The following ASAP1 variants were observed in gnomAD, a reference collection of about 807,000 sequenced individuals.
The protein encoded by ASAP1 is ArfGAP with SH3 domain, ankyrin repeat and PH domain 1.
ASAP1 carries 43 observed loss-of-function variants against 145.2 expected under a neutral mutation model. The ratio of observed to expected loss-of-function variants is 0.30; its 90% confidence interval spans 0.23 to 0.38. ASAP1 has a LOEUF of 0.38. Ranked by LOEUF, ASAP1 falls within the 10% of genes least tolerant of loss-of-function variation. The pLI, the probability that ASAP1 is intolerant of heterozygous loss-of-function variation, is 1.00. For missense variants in ASAP1, 1,018 were observed against 1,355.3 expected, an observed-to-expected ratio of 0.75 and a Z score of 3.91; for synonymous variants, 546 against 515.5, an observed-to-expected ratio of 1.06 and a Z score of -0.80.
At chr8:130,438,794 G>C (rs1328920571) in intron 1 of ASAP1, among the ~76,000 whole-genome samples, 1 of 152,138 alleles carries the variant, frequency 6.6e-6, no homozygotes, top group Non-Finnish European at 1.5e-5. Context: ...TGACTGTGAG[G>C]ACACAGTGGA....
intron 8 of ASAP1, 37 bp downstream of exon 8, chr8:130,180,714 A>C (rs1814294874): frequency 6.3e-7 from 1 of 1,593,130 alleles, no homozygotes; most frequent in African/African-American, 1.4e-5. Context: ...CACAGTTGTT[A>C]TAATTCTAGG....
At chr8:130,198,772 C>A (rs1815680310) in intron 5 of ASAP1, among the ~76,000 whole-genome samples, 1 of 152,152 alleles carries the variant, frequency 6.6e-6, no homozygotes, top group Non-Finnish European at 1.5e-5. Flanking sequence ...ACTCCAAAGG[C>A]CACTCTCATT....
intron 15 of ASAP1, among the ~76,000 whole-genome samples, chr8:130,130,367 G>C (rs989095713): frequency 2.0e-5 from 3 of 152,082 alleles, no homozygotes; most frequent in Non-Finnish European, 2.9e-5. Context: ...CCTTCCATTT[G>C]CCTCTTTACT....
chr8:130,341,288 A>T (rs1429573934), intron 3 of ASAP1, among the ~76,000 whole-genome samples: 2 of 152,004 alleles, frequency 1.3e-5, no homozygotes, highest in Non-Finnish European at 2.9e-5. Context: ...CCTATCCATG[A>T]CTCACTTTGT....
At chr8:130,377,239 G>C (rs1230904497) in intron 2 of ASAP1, among the ~76,000 whole-genome samples, 1 of 151,884 alleles carries the variant, frequency 6.6e-6, no homozygotes, top group African/African-American at 2.4e-5. Context: ...GTAGGAAGGG[G>C]GTGAGGAATA....
At chr8:130,273,393 C>A (rs1820697632) in intron 3 of ASAP1, among the ~76,000 whole-genome samples, 1 of 152,158 alleles carries the variant, frequency 6.6e-6, no homozygotes, top group South Asian at 2.1e-4. Flanking sequence ...CACTCAAGGT[C>A]TGCAGAAGGG....
intron 3 of ASAP1, among the ~76,000 whole-genome samples, chr8:130,343,104 C>A (rs1024243378): frequency 7.9e-5 from 12 of 152,192 alleles, no homozygotes; most frequent in Non-Finnish European, 1.8e-4. Context: ...AGGCAACAGG[C>A]AGGCTAGAAG....
At chr8:130,217,524 G>A (rs1214665465) in intron 4 of ASAP1, among the ~76,000 whole-genome samples, 1 of 107,488 alleles carries the variant, frequency 9.3e-6, no homozygotes, top group Non-Finnish European at 2.2e-5. Flanking sequence ...GTGTATATAT[G>A]TGTGTATATA....
chr8:130,250,453 A>G (rs192057577), intron 3 of ASAP1, among the ~76,000 whole-genome samples: 153 of 152,294 alleles, frequency 1.0e-3, no homozygotes, highest in Admixed American at 7.8e-4. Context: ...GCGCATGCTA[A>G]GCTTACTATA....
intron 2 of ASAP1, among the ~76,000 whole-genome samples, chr8:130,397,260 C>T (rs1828575035): frequency 6.6e-6 from 1 of 152,136 alleles, no homozygotes; most frequent in African/African-American, 2.4e-5. Flanking sequence ...CATGCCTCAG[C>T]CTCCCAAGCA....
intron 25 of ASAP1, among the ~76,000 whole-genome samples, chr8:130,089,702 T>C (rs554190990): frequency 6.6e-6 from 1 of 152,284 alleles, no homozygotes; most frequent in East Asian, 1.9e-4. Flanking sequence ...AGAGCAACTA[T>C]AACCTTTCTA....
intron 3 of ASAP1, among the ~76,000 whole-genome samples, chr8:130,239,870 A>G (rs554039606): frequency 6.6e-6 from 1 of 152,160 alleles, no homozygotes; most frequent in Non-Finnish European, 1.5e-5. Context: ...GAGAAGAGCC[A>G]GCCTATGCTT....
Position 130,096,323 on chromosome 8 carries a change from G to GT in ASAP1, c.2402-4181dup, listed in dbSNP as rs550304820. On this transcript the variant is annotated intron_variant, in intron 24 of 29. Transcript: ENST00000518721. ...TTCAGTCAGGAAAAAAGCAATTCTGGTAAGATAAAGAAAGCTGAAACAAAA... is the reference window on the plus strand; with the variant it reads ...TTCAGTCAGGAAAAAAGCAATTCTGGTTAAGATAAAGAAAGCTGAAACAAAA... Among the ~76,000 whole-genome samples the GT allele has an allele frequency of 5.3e-5, 8 of 152,216 alleles. No individual in the cohort carries two copies. The South Asian group carries it at 1.7e-3, about 32-fold the overall frequency.
intron 3 of ASAP1, among the ~76,000 whole-genome samples, chr8:130,282,800 A>G (rs1032114493): frequency 2.6e-5 from 4 of 152,238 alleles, no homozygotes; most frequent in Non-Finnish European, 5.9e-5. Flanking sequence ...CAAGAACCCA[A>G]AGGATCATAA....
chr8:130,102,504 T>G (rs2097530404), intron 24 of ASAP1, among the ~76,000 whole-genome samples: 1 of 152,186 alleles, frequency 6.6e-6, no homozygotes, highest in Non-Finnish European at 1.5e-5. Context: ...TTGTTAGTAT[T>G]TGGTTAGGAT....
chr8:130,111,467 C>T (rs2097546773), intron 24 of ASAP1, among the ~76,000 whole-genome samples: 1 of 152,164 alleles, frequency 6.6e-6, no homozygotes, highest in African/African-American at 2.4e-5. Flanking sequence ...CTGAGAACTA[C>T]AGGCCAATTA....
At chr8:130,279,215 T>C (rs1343281542) in intron 3 of ASAP1, among the ~76,000 whole-genome samples, 4 of 152,160 alleles carry the variant, frequency 2.6e-5, no homozygotes, top group Admixed American at 1.3e-4. Context: ...TTGTGGTTGC[T>C]ATAGCCTAAA....
chr8:130,292,553 C>T (rs766079824), intron 3 of ASAP1, among the ~76,000 whole-genome samples: 4 of 152,174 alleles, frequency 2.6e-5, no homozygotes, highest in South Asian at 2.1e-4. Flanking sequence ...GAAACAACCA[C>T]GAAACTTTCC....
intron 13 of ASAP1, among the ~76,000 whole-genome samples, chr8:130,144,655 T>C (rs765409622): frequency 1.3e-5 from 2 of 152,168 alleles, no homozygotes; most frequent in African/African-American, 4.8e-5. Flanking sequence ...TCCAAACTTA[T>C]TACTCTGTGG....
Sources: gnomAD v4.1 joint callset for allele counts (sites outside exome capture counted in the v4.1 genomes callset) on GRCh38, gnomAD v4.1.1 for gene constraint, MANE v1.5 for transcripts, NCBI Gene and HGNC (gene_info 2026-07-23, HGNC 2026-07-21) for gene names.